PRKACB: variants seen among roughly 807,000 people sequenced by gnomAD.
The protein encoded by PRKACB is cAMP-dependent protein kinase catalytic subunit beta.
Under a neutral mutation model 51.4 loss-of-function variants are expected in PRKACB, and 16 were observed. The observed-to-expected ratio is 0.31, with a 90% CI of 0.21 to 0.47. The LOEUF (loss-of-function observed/expected upper bound fraction) is 0.47, where lower values mean the gene tolerates loss of function less well. Ranked by LOEUF, PRKACB falls within the 20% of genes least tolerant of loss-of-function variation. PRKACB has a pLI of 1.00. For missense variants in PRKACB, 309 were observed against 464.5 expected, an observed-to-expected ratio of 0.67 and a Z score of 3.08; for synonymous variants, 147 against 154.4, an observed-to-expected ratio of 0.95 and a Z score of 0.35.
At chr1:84,105,575 A>C (rs2100823917) in intron 1 of PRKACB, among the ~76,000 whole-genome samples, 1 of 150,812 alleles carries the variant, frequency 6.6e-6, no homozygotes, top group African/African-American at 2.4e-5. Flanking sequence ...TTATTTATTT[A>C]TTTATTTATT....
intron 9 of PRKACB, among the ~76,000 whole-genome samples, chr1:84,225,802 T>C (rs1674489266): frequency 6.6e-6 from 1 of 152,196 alleles, no homozygotes. Flanking sequence ...CCTTTCCCCA[T>C]ACTGGAGAAC....
chr1:84,212,470 A>G (rs974198673), intron 8 of PRKACB, among the ~76,000 whole-genome samples: 2 of 147,520 alleles, frequency 1.4e-5, no homozygotes, highest in Non-Finnish European at 2.9e-5. Context: ...ATGTATGTCA[A>G]GTAGGTTGAG....
intron 5 of PRKACB, among the ~76,000 whole-genome samples, chr1:84,190,559 A>G (rs566801817): frequency 1.3e-5 from 2 of 152,166 alleles, no homozygotes; most frequent in South Asian, 4.1e-4. Context: ...TAAATCAGTA[A>G]TATTAAATCT....
chr1:84,121,023 T>G (rs1237109447), intron 1 of PRKACB, among the ~76,000 whole-genome samples: 2 of 152,110 alleles, frequency 1.3e-5, no homozygotes, highest in African/African-American at 4.8e-5. Context: ...TTAATGTTCT[T>G]GTACTAGCTA....
intron 1 of PRKACB, among the ~76,000 whole-genome samples, chr1:84,151,228 T>G (rs2100642580): frequency 6.6e-6 from 1 of 152,322 alleles, no homozygotes; most frequent in African/African-American, 2.4e-5. Flanking sequence ...ATGTTTACTC[T>G]ATAGTCTATT....
At chr1:84,199,069 GCATATATGTATATATATGCGTATATA>G (rs1669167708) in intron 7 of PRKACB, among the ~76,000 whole-genome samples, 4 of 49,198 alleles carry the variant, frequency 8.1e-5, no homozygotes, top group African/African-American at 1.7e-4. Flanking sequence ...GCGTATATAT[GCATATATGTATATATATGCGTATATA>G]TGCATATATG....
At chr1:84,078,730 T>TC (rs1647290219) in intron 1 of PRKACB, among the ~76,000 whole-genome samples, 1 of 152,142 alleles carries the variant, frequency 6.6e-6, no homozygotes, top group Admixed American at 6.5e-5. Flanking sequence ...CCTCGCCGAC[T>TC]CTTTGGGAGC....
intron 1 of PRKACB, among the ~76,000 whole-genome samples, chr1:84,110,059 T>C (rs1650091221): frequency 6.6e-6 from 1 of 151,930 alleles, no homozygotes. Context: ...TGTGTATGTG[T>C]ATGTGTGCAT....
At chr1:84,171,040 C>T (rs1659291649) in intron 1 of PRKACB, among the ~76,000 whole-genome samples, 1 of 151,328 alleles carries the variant, frequency 6.6e-6, no homozygotes, top group Non-Finnish European at 1.5e-5. Flanking sequence ...CAATTAAGTT[C>T]AATCAGTAAT....
chr1:84,086,622 A>T (rs1377404765), intron 1 of PRKACB, among the ~76,000 whole-genome samples: 1 of 152,218 alleles, frequency 6.6e-6, no homozygotes, highest in African/African-American at 2.4e-5. Context: ...TTGTAAAAAG[A>T]AAAAGAAAAA....
intron 5 of PRKACB, among the ~76,000 whole-genome samples, chr1:84,192,899 G>A (rs1667202283): frequency 6.6e-6 from 1 of 152,064 alleles, no homozygotes; most frequent in Admixed American, 6.6e-5. Flanking sequence ...TCGGTTTAAT[G>A]CCAAATACGT....
intron 1 of PRKACB, among the ~76,000 whole-genome samples, chr1:84,124,869 G>A (rs1025011076): frequency 6.6e-6 from 1 of 152,076 alleles, no homozygotes; most frequent in Admixed American, 6.6e-5. Context: ...CAACACGAAG[G>A]GCTCTAAGTG....
chr1:84,166,759 C>G (rs2100752911), intron 1 of PRKACB, among the ~76,000 whole-genome samples: 1 of 151,758 alleles, frequency 6.6e-6, no homozygotes, highest in Admixed American at 6.6e-5. Context: ...GTACATGGTA[C>G]TTTTCTCGTT....
At chr1:84,165,136 G>A (rs994131174) in intron 1 of PRKACB, 14 of 780,100 alleles carry the variant, frequency 1.8e-5, no homozygotes, top group African/African-American at 7.1e-5. Flanking sequence ...TTGTGGTGAC[G>A]CTTTTGTACT....
intron 1 of PRKACB, among the ~76,000 whole-genome samples, chr1:84,111,944 C>T (rs1037177654): frequency 6.6e-6 from 1 of 151,968 alleles, no homozygotes; most frequent in Non-Finnish European, 1.5e-5. Flanking sequence ...AAAATAGCAT[C>T]AAAATACAGC....
At chr1:84,142,512 T>G (rs1653515374), upstream of PRKACB, among the ~76,000 whole-genome samples, 1 of 152,224 alleles carries the variant, frequency 6.6e-6, no homozygotes, top group Non-Finnish European at 1.5e-5. Context: ...ATTATTGTTA[T>G]GCACACATAA....
intron 1 of PRKACB, among the ~76,000 whole-genome samples, chr1:84,084,097 G>C (rs1647772613): frequency 1.3e-5 from 2 of 152,254 alleles, no homozygotes; most frequent in Admixed American, 1.3e-4. Flanking sequence ...ATTTCCACTG[G>C]GATGGGGAGG....
At chr1:84,168,195 A>G (rs1172310336) in intron 1 of PRKACB, among the ~76,000 whole-genome samples, 1 of 151,602 alleles carries the variant, frequency 6.6e-6, no homozygotes, top group African/African-American at 2.4e-5. Context: ...TCCAAAGAGT[A>G]GAATTGATTT....
chr1:84,173,394 G>T, intron 1 of PRKACB: 1 of 1,481,612 alleles, frequency 6.7e-7, no homozygotes, highest in South Asian at 1.2e-5. Flanking sequence ...CTGTTACTTT[G>T]ATTATCGTAA....
Sources: gnomAD v4.1 joint callset for allele counts (sites outside exome capture counted in the v4.1 genomes callset) on GRCh38, gnomAD v4.1.1 for gene constraint, MANE v1.5 for transcripts, NCBI Gene and HGNC (gene_info 2026-07-23, HGNC 2026-07-21) for gene names.